DACH2: variants seen among roughly 807,000 people sequenced by gnomAD.
The protein encoded by DACH2 is dachshund homolog 2.
In DACH2, 17 loss-of-function variants were observed where a neutral mutation model predicts 35.8. That is an observed-to-expected ratio of 0.48 (90% CI 0.33 to 0.71). DACH2 has a LOEUF of 0.71. Ranked by LOEUF, DACH2 falls within the 30% of genes least tolerant of loss-of-function variation. The pLI is 0.02. For missense variants in DACH2, 469 were observed against 472.7 expected, an observed-to-expected ratio of 0.99 and a Z score of 0.07; for synonymous variants, 195 against 177.3, an observed-to-expected ratio of 1.10 and a Z score of -0.79.
chrX:86,810,827 T>A, intron 7 of DACH2, among the ~76,000 whole-genome samples: 1 of 111,298 alleles, frequency 9.0e-6, no homozygotes, highest in African/African-American at 3.3e-5. Flanking sequence ...ATAATTTACC[T>A]CTTCTAAACC....
At chrX:86,190,350 T>C (rs752055387) in intron 1 of DACH2, among the ~76,000 whole-genome samples, 1 of 111,378 alleles carries the variant, frequency 9.0e-6, no homozygotes, top group Non-Finnish European at 1.9e-5. Context: ...CCTCCTGCTT[T>C]TCATCTGTCG....
intron 1 of DACH2, among the ~76,000 whole-genome samples, chrX:86,155,222 C>T (rs773820165): frequency 9.0e-6 from 1 of 110,559 alleles, no homozygotes; most frequent in South Asian, 3.8e-4. Context: ...GCAATATACT[C>T]TTATGAAGGG....
intron 1 of DACH2, among the ~76,000 whole-genome samples, chrX:86,155,077 G>A (rs2030497972): frequency 9.0e-6 from 1 of 110,742 alleles, no homozygotes; most frequent in African/African-American, 3.3e-5. Flanking sequence ...GAGGAAAAAT[G>A]AGAATTAGTA....
chrX:86,410,466 A>G, intron 2 of DACH2, among the ~76,000 whole-genome samples: 1 of 111,926 alleles, frequency 8.9e-6, no homozygotes, highest in Middle Eastern at 4.7e-3. Flanking sequence ...TTAATTGGAA[A>G]CAAACAGCTG....
rs746374019 is a variant in DACH2 at position 86,711,751 on chromosome X, C to A, written c.932-2797C>A. Among the ~76,000 whole-genome samples, 17 of 112,167 alleles carry A rather than the reference C, an allele frequency of 1.5e-4. No individual in the cohort carries two copies. In the South Asian group the frequency reaches 2.6e-3, roughly 17 times the overall value. ...GCTTGGGGTAAAGTCTAGGGCATTACGGTCAATTGACAGCTATTGCAGGTC... is the reference window on the plus strand; with the variant it reads ...GCTTGGGGTAAAGTCTAGGGCATTAAGGTCAATTGACAGCTATTGCAGGTC... On this transcript the variant is annotated intron_variant, in intron 5 of 11. Coordinates refer to ENST00000373125, the MANE Select transcript of DACH2 (RefSeq NM_053281.3).
intron 6 of DACH2, among the ~76,000 whole-genome samples, chrX:86,733,518 A>C (rs1230479770): frequency 9.0e-6 from 1 of 111,655 alleles, no homozygotes; most frequent in African/African-American, 3.3e-5. Context: ...TTAATCCTTC[A>C]ATTATATTAC....
At chrX:86,479,935 T>C (rs1331817642) in intron 2 of DACH2, among the ~76,000 whole-genome samples, 1 of 112,937 alleles carries the variant, frequency 8.9e-6, no homozygotes, top group African/African-American at 3.2e-5. Context: ...ATTCTTGTTC[T>C]GAAAGGCCAC....
At chrX:86,416,913 G>A (rs1309680643) in intron 2 of DACH2, among the ~76,000 whole-genome samples, 1 of 108,920 alleles carries the variant, frequency 9.2e-6, no homozygotes, top group Non-Finnish European at 1.9e-5. Flanking sequence ...GGCCAATATG[G>A]CGAAACCCCG....
At chrX:86,428,769 G>GA (rs1189079359) in intron 2 of DACH2, among the ~76,000 whole-genome samples, 242 of 98,378 alleles carry the variant, frequency 2.5e-3, no homozygotes, top group African/African-American at 3.2e-3. Flanking sequence ...TAGGTTTTTT[G>GA]AAAAAAAAAA....
chrX:86,695,515 C>CTT (rs199928241), intron 5 of DACH2, among the ~76,000 whole-genome samples: 6 of 99,535 alleles, frequency 6.0e-5, no homozygotes, highest in African/African-American at 1.5e-4. Context: ...GTTTTGAATT[C>CTT]TTTTTTTTTT....
chrX:86,592,625 T>C (rs755487312), intron 3 of DACH2, among the ~76,000 whole-genome samples: 4 of 112,354 alleles, frequency 3.6e-5, no homozygotes, highest in Non-Finnish European at 7.5e-5. Context: ...AACTGATATC[T>C]TAATTATATT....
chrX:86,672,327 A>G (rs1350723300), intron 4 of DACH2, among the ~76,000 whole-genome samples: 2 of 112,342 alleles, frequency 1.8e-5, no homozygotes, highest in Non-Finnish European at 3.8e-5. Flanking sequence ...AGAAGTTTGC[A>G]TAAGAGGTGC....
chrX:86,493,901 C>T (rs780046140), intron 2 of DACH2, among the ~76,000 whole-genome samples: 1 of 111,963 alleles, frequency 8.9e-6, no homozygotes, highest in Admixed American at 9.5e-5. Context: ...TTCACTTGAA[C>T]GCTAGAATGA....
intron 3 of DACH2, among the ~76,000 whole-genome samples, chrX:86,619,211 A>G (rs2040042220): frequency 8.9e-6 from 1 of 111,867 alleles, no homozygotes; most frequent in Admixed American, 9.5e-5. Flanking sequence ...CCACAACCCT[A>G]CCACATAAAG....
chrX:86,818,544 T>A (rs2042474947), intron 11 of DACH2, among the ~76,000 whole-genome samples: 2 of 111,743 alleles, frequency 1.8e-5, no homozygotes, highest in South Asian at 7.4e-4. Context: ...CTATTCTTCC[T>A]AATAATTTTG....
intron 3 of DACH2, among the ~76,000 whole-genome samples, chrX:86,613,220 T>C (rs2148370897): frequency 8.9e-6 from 1 of 111,919 alleles, no homozygotes; most frequent in Non-Finnish European, 1.9e-5. Flanking sequence ...TAAAAAAATC[T>C]ATAGTTTATT....
chrX:86,729,766 C>T (rs2041511681), intron 6 of DACH2, among the ~76,000 whole-genome samples: 1 of 110,851 alleles, frequency 9.0e-6, no homozygotes, highest in Admixed American at 9.6e-5. Context: ...ATGTGTTGCA[C>T]CTACCTCCAC....
chrX:86,524,221 A>G (rs2038598549), intron 3 of DACH2, among the ~76,000 whole-genome samples: 1 of 111,964 alleles, frequency 8.9e-6, no homozygotes, highest in Non-Finnish European at 1.9e-5. Flanking sequence ...AGCTAAGGAG[A>G]TGGGAAAAAG....
At chrX:86,357,712 T>C (rs1366423485) in intron 1 of DACH2, among the ~76,000 whole-genome samples, 1 of 112,387 alleles carries the variant, frequency 8.9e-6, no homozygotes, top group Non-Finnish European at 1.9e-5. Flanking sequence ...TTCCAACTCA[T>C]TCTTTCTTTA....
Sources: allele counts gnomAD v4.1 joint callset (sites outside exome capture counted in the v4.1 genomes callset), GRCh38; gene constraint gnomAD v4.1.1; transcripts MANE v1.5; gene names NCBI Gene and HGNC (gene_info 2026-07-23, HGNC 2026-07-21).